TRHDE: variants seen among roughly 807,000 people sequenced by gnomAD.
The protein encoded by TRHDE is thyrotropin releasing hormone degrading enzyme.
A neutral mutation model predicts 125.7 loss-of-function variants in TRHDE; 72 were observed. The ratio of observed to expected loss-of-function variants is 0.57; its 90% CI spans 0.47 to 0.70. The LOEUF is 0.70. TRHDE is among the 30% of genes least tolerant of loss of function. TRHDE has a pLI of 0.00. For missense variants in TRHDE, 1,110 were observed against 1,327.1 expected, an observed-to-expected ratio of 0.84 and a Z score of 2.54; for synonymous variants, 509 against 509.1, an observed-to-expected ratio of 1.00 and a Z score of 0.00.
chr12:72,413,541 T>G (rs978086280), intron 3 of TRHDE, among the ~76,000 whole-genome samples: 4 of 151,922 alleles, frequency 2.6e-5, no homozygotes, highest in Non-Finnish European at 5.9e-5. Context: ...TATTTCATTT[T>G]TTAAATATAT....
chr12:72,653,812 A>G (rs1052848499), intron 17 of TRHDE, among the ~76,000 whole-genome samples: 2 of 152,086 alleles, frequency 1.3e-5, no homozygotes, highest in African/African-American at 4.8e-5. Context: ...AAAGCATGTA[A>G]ATGCTGCTTG....
intron 2 of TRHDE, among the ~76,000 whole-genome samples, chr12:72,375,780 C>G (rs1051325212): frequency 6.6e-6 from 1 of 152,104 alleles, no homozygotes; most frequent in Admixed American, 6.6e-5. Context: ...CTTTTTATCT[C>G]AATAATGCAT....
intron 3 of TRHDE, among the ~76,000 whole-genome samples, chr12:72,448,239 A>G (rs1209696175): frequency 6.6e-6 from 1 of 152,090 alleles, no homozygotes; most frequent in African/African-American, 2.4e-5. Context: ...ATTTGTTGCC[A>G]TCATAGATTT....
chr12:72,111,946 A>G (rs1333965559), intron 2 of TRHDE, among the ~76,000 whole-genome samples: 1 of 152,118 alleles, frequency 6.6e-6, no homozygotes, highest in East Asian at 1.9e-4. Flanking sequence ...GCTGTTCAGT[A>G]TTATCCAGCA....
chr12:72,541,824 C>G (rs1199799086), intron 6 of TRHDE, among the ~76,000 whole-genome samples: 2 of 151,382 alleles, frequency 1.3e-5, no homozygotes, highest in African/African-American at 4.8e-5. Flanking sequence ...TCTTGGTACT[C>G]TACTCTCTAC....
Position 72,293,029 on chromosome 12 carries a change from G to C in TRHDE, c.1188+6075G>C, listed in dbSNP as rs150624786. Among the ~76,000 whole-genome samples, 4 of 152,102 alleles carry C rather than the reference G, an allele frequency of 2.6e-5. No individual in the cohort carries two copies. The East Asian group carries it at 5.8e-4, about 22-fold the overall frequency. ...TGATTGGGGTTAACTTGATCGCTGG[G>C]GGCAAGAATCTTCTGACTGCATCTT... On this transcript the variant is annotated intron_variant, in intron 2 of 18. Transcript: ENST00000261180.
At chr12:72,602,695 A>G (rs1391039843) in intron 12 of TRHDE, among the ~76,000 whole-genome samples, 1 of 152,222 alleles carries the variant, frequency 6.6e-6, no homozygotes, top group Non-Finnish European at 1.5e-5. Flanking sequence ...TGCAATATAC[A>G]GGGTTGAACT....
chr12:72,129,689 A>C (rs1001282690), intron 2 of TRHDE, among the ~76,000 whole-genome samples: 1 of 152,216 alleles, frequency 6.6e-6, no homozygotes. Flanking sequence ...TGGATACTGC[A>C]ATCAGTTAAA....
chr12:72,191,742 A>G (rs953664678), intron 2 of TRHDE, among the ~76,000 whole-genome samples: 1 of 152,124 alleles, frequency 6.6e-6, no homozygotes, highest in South Asian at 2.1e-4. Context: ...AGCAATAATA[A>G]AAAATGTTTA....
At chr12:72,175,561 A>G (rs1876968553) in intron 2 of TRHDE, among the ~76,000 whole-genome samples, 2 of 152,210 alleles carry the variant, frequency 1.3e-5, no homozygotes, top group African/African-American at 4.8e-5. Context: ...TCCCGGCTGC[A>G]TCCTTGCCTT....
chr12:72,582,295 A>C, intron 12 of TRHDE: 2 of 984,562 alleles, frequency 2.0e-6, no homozygotes, highest in Non-Finnish European at 2.4e-6. Context: ...ATAATGGCTA[A>C]AGAAGAAGAA....
chr12:72,291,473 T>A (rs1203257185), intron 2 of TRHDE, among the ~76,000 whole-genome samples: 1 of 152,232 alleles, frequency 6.6e-6, no homozygotes, highest in Non-Finnish European at 1.5e-5. Flanking sequence ...TTCTGAGGCA[T>A]CCTTTCTTTT....
intron 3 of TRHDE, among the ~76,000 whole-genome samples, chr12:72,416,197 T>C (rs2135820741): frequency 6.6e-6 from 1 of 152,260 alleles, no homozygotes; most frequent in South Asian, 2.1e-4. Context: ...ATGTCTTCTT[T>C]TGAGAAATGT....
intron 2 of TRHDE, among the ~76,000 whole-genome samples, chr12:72,156,345 G>T (rs1259764647): frequency 2.0e-5 from 3 of 152,196 alleles, no homozygotes; most frequent in Non-Finnish European, 4.4e-5. Flanking sequence ...GCGCTTCCCG[G>T]ATGAGGTGAT....
At chr12:72,465,583 A>G (rs754893079) in intron 3 of TRHDE, among the ~76,000 whole-genome samples, 2 of 152,126 alleles carry the variant, frequency 1.3e-5, no homozygotes, top group Non-Finnish European at 2.9e-5. Flanking sequence ...ATTTTGTTGC[A>G]TGGATATACC....
chr12:72,307,405 C>T (rs540244873), intron 2 of TRHDE, among the ~76,000 whole-genome samples: 5 of 149,920 alleles, frequency 3.3e-5, no homozygotes, highest in South Asian at 2.1e-4. Flanking sequence ...GAACTCCTGG[C>T]GTCAAGTGGA....
At chr12:72,245,235 T>C (rs1394155120) in intron 2 of TRHDE, among the ~76,000 whole-genome samples, 1 of 141,956 alleles carries the variant, frequency 7.0e-6, no homozygotes, top group Non-Finnish European at 1.5e-5. Flanking sequence ...ATATCTATGT[T>C]TGTGTGTATG....
chr12:72,351,324 T>C (rs936850316), intron 2 of TRHDE, among the ~76,000 whole-genome samples: 4 of 151,936 alleles, frequency 2.6e-5, no homozygotes, highest in Non-Finnish European at 5.9e-5. Context: ...TATTACAGAA[T>C]ATCCAGAACT....
chr12:72,629,571 T>C (rs1229476463), intron 15 of TRHDE, among the ~76,000 whole-genome samples: 1 of 151,750 alleles, frequency 6.6e-6, no homozygotes, highest in African/African-American at 2.4e-5. Flanking sequence ...CATGGGCAAC[T>C]AAGAACAACG....
Sources: gnomAD v4.1 joint callset for allele counts (sites outside exome capture counted in the v4.1 genomes callset) on GRCh38, gnomAD v4.1.1 for gene constraint, MANE v1.5 for transcripts, NCBI Gene and HGNC (gene_info 2026-07-23, HGNC 2026-07-21) for gene names.